Variants in HSPA9 observed in about 807,000 individuals in gnomAD.
HSPA9 encodes stress-70 protein, mitochondrial.
Under a neutral mutation model 81.5 loss-of-function variants are expected in HSPA9, and 28 were observed. That is an observed-to-expected ratio of 0.34 (90% CI 0.25 to 0.47). The LOEUF is 0.47. Among genes scored for constraint, HSPA9 ranks in the 20% least tolerant of loss-of-function variants. HSPA9 has a pLI of 1.00. For synonymous variants in HSPA9, 293 were observed against 290.4 expected (o/e 1.01, Z -0.09); for missense variants, 678 against 838.0 (o/e 0.81, Z 2.36).
intron 3 of HSPA9, among the ~76,000 whole-genome samples, chr5:138,571,828 G>A (rs1039511709): frequency 6.0e-5 from 9 of 150,144 alleles, no homozygotes; most frequent in African/African-American, 2.2e-4. Context: ...GTGTGTGTGT[G>A]TGTGTGTACT....
At position 138,574,124 on chromosome 5, in the gene HSPA9, A is replaced by G; in HGVS notation, c.84T>C (p.Asp28=). The part of the protein sequence containing the change: ...SRGPTAARHQ[D]SWNGLSHEAF... ...CCTCATGACTAAGGCCATTCCAGCTATCCTAAAAAAGAAAAAACTGACTCA... is the reference window on the plus strand; with the variant it reads ...CCTCATGACTAAGGCCATTCCAGCTGTCCTAAAAAAGAAAAAACTGACTCA... Residue 28 remains aspartate, a splice_region_variant and synonymous_variant, in exon 2 of 17, where the codon GAT becomes GAC. Coordinates refer to ENST00000297185, the MANE Select transcript of HSPA9 (RefSeq NM_004134.7). The G allele has an allele frequency of 6.2e-7, 1 of 1,613,534 alleles. No individual in the cohort carries two copies. The highest frequency in any genetic ancestry group is 1.1e-5 in the South Asian group (1 of 91,066).
At position 138,556,024 on chromosome 5, in the gene HSPA9, A is replaced by T; in HGVS notation, c.*13T>A. 3.1e-6 allele frequency: 5 copies of T among 1,598,194 alleles called. No homozygotes were observed. Among genetic ancestry groups the T allele is most frequent in the Non-Finnish European group, 4.3e-6 (5 of 1,165,898 alleles). ...CATATGTTGTCCTTCTGGCTTCAAA[A>T]TTTCTGCTATTATTACTGTTTTTCC... On this transcript the variant is annotated 3_prime_UTR_variant, in exon 17 of 17. Coordinates refer to ENST00000297185, the MANE Select transcript of HSPA9 (RefSeq NM_004134.7).
intron 4 of HSPA9, among the ~76,000 whole-genome samples, chr5:138,570,365 CAT>C (rs888003340): frequency 2.8e-4 from 43 of 152,296 alleles, no homozygotes; most frequent in African/African-American, 9.6e-4. Context: ...TGGATCAACA[CAT>C]GATAGAACCT....
At chr5:138,561,555 A>G in intron 10 of HSPA9, 25 bp downstream of exon 10, 1 of 1,593,980 alleles carries the variant, frequency 6.3e-7, no homozygotes. Context: ...CTCTCTCTCC[A>G]CGACAGAATT....
intron 1 of HSPA9, 92 bp downstream of exon 1, chr5:138,575,146 C>G: frequency 1.1e-6 from 1 of 872,486 alleles, no homozygotes; most frequent in South Asian, 1.5e-5. Flanking sequence ...CTGGAGAATT[C>G]AAACCCTAAA....
chr5:138,560,782 T>G (rs1222517749), intron 10 of HSPA9: 2 of 372,436 alleles, frequency 5.4e-6, no homozygotes, highest in African/African-American at 4.3e-5. Context: ...TCTCTTGACC[T>G]CGTGATCCGC....
chr5:138,555,382 G>A lies in HSPA9; in HGVS notation c.*655C>T, dbSNP rs1216218045. 4.6e-5 allele frequency: 7 copies of A among 152,236 alleles called. No individual in the cohort carries two copies. The highest frequency in any genetic ancestry group is 1.0e-4 in the Non-Finnish European group (7 of 68,110). 9.4% of individuals were successfully genotyped at this position (152,236 alleles called of 1,614,324 possible). ...TTAAAAAAAAAAAAATTCCAGAATG[G>A]GTAAGAGAACAATCATCAAGGATGT... On this transcript the variant is annotated 3_prime_UTR_variant, in exon 17 of 17. Coordinates refer to ENST00000297185, the MANE Select transcript of HSPA9 (RefSeq NM_004134.7).
intron 4 of HSPA9, among the ~76,000 whole-genome samples, chr5:138,569,659 C>A (rs1750836052): frequency 6.6e-6 from 1 of 152,174 alleles, no homozygotes; most frequent in Non-Finnish European, 1.5e-5. Context: ...TCCATGCATA[C>A]AGAATTCATA....
chr5:138,556,451 C>CCTT lies in HSPA9; in HGVS notation c.1960_1962dup (p.Lys654dup). On this transcript the variant is annotated inframe_insertion and splice_region_variant. Coordinates refer to ENST00000297185, the MANE Select transcript of HSPA9 (RefSeq NM_004134.7). The stretch of plus-strand genomic sequence containing the variant: ...ATCAAAATCCACTTCAGCCCTTGTA[C>CCTT]CTTTTTGTATGCCATTTCGAACAGC... 1.9e-6 allele frequency: 3 copies of CCTT among 1,613,360 alleles called. No homozygotes were observed. Among genetic ancestry groups the CCTT allele is most frequent in the Non-Finnish European group, 2.5e-6 (3 of 1,179,970 alleles).
chr5:138,558,956 G>C, intron 11 of HSPA9: 1 of 357,938 alleles, frequency 2.8e-6, no homozygotes. Flanking sequence ...CGGGATCAGA[G>C]AAAGAAGATG....
In HSPA9 at chr5:138,571,960, C is replaced by CTT. The variant is rs10694029; in HGVS notation, c.229-821_229-820dup. On this transcript the variant is annotated intron_variant, in intron 3 of 16. Transcript: ENST00000297185. Reference sequence around the variant, plus strand: ...TACAGGCTTGAGGCACTGCGCCTGGCTTTTTTTTTTTTTTTTGAGACAGAG... The same window carrying CTT: ...TACAGGCTTGAGGCACTGCGCCTGGCTTTTTTTTTTTTTTTTTTGAGACAGAG... Among the ~76,000 whole-genome samples, 58 of 100,442 alleles carry CTT rather than the reference C, an allele frequency of 5.8e-4. 5 individuals carry two copies. The highest frequency in any genetic ancestry group is 1.6e-3 in the Admixed American group (12 of 7,634). 65.9% of individuals were successfully genotyped at this position (100,442 alleles called of 152,430 possible). A position where few individuals can be genotyped will look rare whatever the true frequency, so the allele number is the denominator to read the frequency against.
chr5:138,571,959 G>GTTTTTT (rs1561862016), intron 3 of HSPA9, among the ~76,000 whole-genome samples: 7 of 10,630 alleles, frequency 6.6e-4, no homozygotes, highest in South Asian at 2.7e-3. Flanking sequence ...ACTGCGCCTG[G>GTTTTTT]CTTTTTTTTT....
Position 138,561,105 on chromosome 5 carries a change from T to C in HSPA9, c.1182+475A>G, listed in dbSNP as rs542654731. 6.9e-5 allele frequency: 34 copies of C among 489,456 alleles called. 1 individual carries two copies. The highest frequency in any genetic ancestry group is 4.8e-4 in the Admixed American group (24 of 49,816). The allele number at this position is 489,456 out of a possible 1,614,324, so 30.3% of individuals were successfully genotyped here. A position where few individuals can be genotyped will look rare whatever the true frequency, so the allele number is the denominator to read the frequency against. On this transcript the variant is annotated intron_variant, in intron 10 of 16. Transcript: ENST00000297185. ...ATGATGTGTTGAATAAAATACATCA[T>C]TGCACAAATCTTTGTCAAAGAGATG...
At chr5:138,569,601 T>G (rs954703041) in intron 4 of HSPA9, among the ~76,000 whole-genome samples, 1 of 152,166 alleles carries the variant, frequency 6.6e-6, no homozygotes, top group African/African-American at 2.4e-5. Context: ...TGGATGAACC[T>G]TGAAAACATG....
rs1751067414 is a variant in HSPA9 at position 138,575,294 on chromosome 5, C to G, written c.25G>C (p.Ala9Pro). Residue 9 changes from alanine (A) to proline (P), a missense_variant, in exon 1 of 17, where the codon GCA becomes CCA. Transcript: ENST00000297185. ...GCTGCGGCGCCCACGAGACGGGCTGCTGCAGCTCGGCTGGCACTTATCATG... is the reference window on the plus strand; with the variant it reads ...GCTGCGGCGCCCACGAGACGGGCTGGTGCAGCTCGGCTGGCACTTATCATG... MISASRAA[A>P]ARLVGAAASR... is the part of the protein sequence containing the mutation. 1 of 1,612,118 alleles carries G rather than the reference C, an allele frequency of 6.2e-7. No individual in the cohort carries two copies. Among genetic ancestry groups the G allele is most frequent in the African/African-American group, 1.3e-5 (1 of 74,920 alleles).
intron 9 of HSPA9, among the ~76,000 whole-genome samples, chr5:138,564,955 C>T (rs2127157312): frequency 6.6e-6 from 1 of 152,318 alleles, no homozygotes; most frequent in East Asian, 1.9e-4. Flanking sequence ...TGTATCACTT[C>T]TAGTTTAACG....
Position 138,573,788 on chromosome 5 carries a change from G to T in HSPA9, c.203C>A (p.Ala68Glu). Reference sequence around the variant, plus strand: ...CTTTGCTTGTTTACCTTCCATAACTGCCACGCAGGAGTTGGTAGTACCCAA... The same window carrying T: ...CTTTGCTTGTTTACCTTCCATAACTTCCACGCAGGAGTTGGTAGTACCCAA... ...IDLGTTNSCVAVMEGKQAKVL... is the reference protein window; with the variant it reads ...IDLGTTNSCVEVMEGKQAKVL... Residue 68 changes from alanine to glutamate, a missense_variant, in exon 3 of 17, where the codon GCA becomes GAA. Transcript: ENST00000297185. 6.2e-7 allele frequency: 1 copy of T among 1,611,482 alleles called. No individual in the cohort carries two copies.
At position 138,556,344 on chromosome 5, in the gene HSPA9, C is replaced by G; in HGVS notation, c.1962+108G>C. 5 of 1,355,690 alleles carry G rather than the reference C, an allele frequency of 3.7e-6. No homozygotes were observed. The South Asian group carries it at 5.9e-5, about 16-fold the overall frequency. 84.0% of individuals were successfully genotyped at this position (1,355,690 alleles called of 1,614,324 possible). A position where few individuals can be genotyped will look rare whatever the true frequency, so the allele number is the denominator to read the frequency against. ...CAGGAGACTATCTCCCAACTCTAAT[C>G]TCACTCTAAATTCCACAAATGGCTA... On this transcript the variant is annotated intron_variant, in intron 16 of 16. Coordinates refer to ENST00000297185, the MANE Select transcript of HSPA9 (RefSeq NM_004134.7).
intron 1 of HSPA9, 82 bp from the exon 2 acceptor site, chr5:138,574,208 A>G (rs777234949): frequency 2.2e-6 from 2 of 895,982 alleles, no homozygotes; most frequent in South Asian, 2.7e-5. Context: ...CACTTAGTAT[A>G]TAAAATACAT....
Sources: gnomAD v4.1 joint callset for allele counts (sites outside exome capture counted in the v4.1 genomes callset) on GRCh38, gnomAD v4.1.1 for gene constraint, MANE v1.5 for transcripts, NCBI Gene and HGNC (gene_info 2026-07-23, HGNC 2026-07-21) for gene names.